Variants in WDFY1 observed in about 807,000 individuals in gnomAD.
WDFY1 encodes the protein WD repeat and FYVE domain containing 1.
A neutral mutation model predicts 56.4 loss-of-function variants in WDFY1; 32 were observed. The ratio of observed to expected loss-of-function variants is 0.57; its 90% CI spans 0.43 to 0.76. The LOEUF (loss-of-function observed/expected upper bound fraction) is 0.76. Ranked by LOEUF, WDFY1 falls within the 30% of genes least tolerant of loss-of-function variation. The pLI is 0.00. For missense variants in WDFY1, 480 were observed against 545.7 expected, an observed-to-expected ratio of 0.88 and a Z score of 1.20; for synonymous variants, 192 against 197.3, an observed-to-expected ratio of 0.97 and a Z score of 0.23.
At chr2:223,942,168 T>G (rs986920103) in intron 1 of WDFY1, among the ~76,000 whole-genome samples, 6 of 152,096 alleles carry the variant, frequency 3.9e-5, no homozygotes, top group Non-Finnish European at 5.9e-5. Context: ...ATTTAGCAAC[T>G]TACCCAAAAC....
chr2:223,885,489 G>A (rs537684904), intron 8 of WDFY1, among the ~76,000 whole-genome samples: 5 of 152,210 alleles, frequency 3.3e-5, no homozygotes, highest in South Asian at 2.1e-4. Context: ...GAGCCACTGC[G>A]CCCAGCCTTA....
intron 10 of WDFY1, among the ~76,000 whole-genome samples, chr2:223,880,639 T>C (rs1161970829): frequency 1.3e-5 from 2 of 151,060 alleles, no homozygotes; most frequent in Non-Finnish European, 2.9e-5. Flanking sequence ...TAAATGCTTA[T>C]GATAATAGTG....
chr2:223,882,017 G>A lies in WDFY1; in HGVS notation c.989C>T (p.Ser330Leu), dbSNP rs1341494555. ...AVCGKCSSKR[S>L]SYPVMGFEFQ... ...CTCGAAGCCCATGACTGGGTAACTT[G>A]AGCGCTTGCTGCTGCACTTCCCGCA... Residue 330 changes from serine to leucine, a missense_variant, in exon 10 of 12, where the codon TCA becomes TTA. Physicochemically the swap from Ser to Leu is moderately radical, Grantham distance 145. Transcript: ENST00000233055. 3.7e-6 allele frequency: 6 copies of A among 1,614,092 alleles called. No individual in the cohort carries two copies. The highest frequency in any genetic ancestry group is 5.1e-6 in the Non-Finnish European group (6 of 1,179,974).
At position 223,884,704 on chromosome 2, in the gene WDFY1, GC is replaced by G; in HGVS notation, c.876del (p.Gln292HisfsTer7). 6.2e-7 allele frequency: 1 copy of G among 1,614,074 alleles called. No homozygotes were observed. Among genetic ancestry groups the G allele is most frequent in the South Asian group, 1.1e-5 (1 of 91,076 alleles). The part of the protein sequence containing the change: ...LESDSCQKCE[Q>X]PFFWNIKQMW... ...ATCTGCTTTATGTTCCAGAAAAATG[GC>G]TGCTCACATTTCTGACAAGAATCAC... On this transcript the variant is annotated frameshift_variant, in exon 9 of 12. Transcript: ENST00000233055. LOFTEE classifies it high-confidence loss of function.
chr2:223,937,738 T>G (rs900855113), intron 1 of WDFY1, among the ~76,000 whole-genome samples: 1 of 152,172 alleles, frequency 6.6e-6, no homozygotes, highest in African/African-American at 2.4e-5. Context: ...ATGTGTGGGG[T>G]GGCCACCCAG....
chr2:223,904,516 G>T (rs1451440835), intron 4 of WDFY1, among the ~76,000 whole-genome samples: 2 of 152,172 alleles, frequency 1.3e-5, no homozygotes, highest in Non-Finnish European at 1.5e-5. Context: ...GGCTCCCAAA[G>T]TGCTGGGATT....
At chr2:223,882,793 A>G (rs556856) in intron 9 of WDFY1, among the ~76,000 whole-genome samples, 141,429 of 152,030 alleles carry the variant, frequency 0.93, 65,858 homozygotes, top group South Asian at 0.96. Flanking sequence ...GTGCAATGGC[A>G]TACAGCTCAC....
intron 2 of WDFY1, among the ~76,000 whole-genome samples, chr2:223,913,149 G>A (rs181232985): frequency 1.3e-5 from 2 of 150,584 alleles, no homozygotes; most frequent in Non-Finnish European, 2.9e-5. Flanking sequence ...GGAGGCCAAG[G>A]CAGGAGGATT....
intron 2 of WDFY1, among the ~76,000 whole-genome samples, chr2:223,916,815 CTTT>C (rs201460170): frequency 2.9e-5 from 4 of 138,554 alleles, no homozygotes; most frequent in Non-Finnish European, 3.1e-5. Flanking sequence ...CCCAGGGCTG[CTTT>C]TTTTTTTTTT....
intron 10 of WDFY1, 33 bp downstream of exon 10, chr2:223,881,909 G>A (rs1355308255): frequency 1.2e-6 from 2 of 1,610,298 alleles, no homozygotes; most frequent in East Asian, 4.5e-5. Context: ...GATGTAATAA[G>A]AGGCAATGAG....
intron 8 of WDFY1, among the ~76,000 whole-genome samples, chr2:223,885,582 C>T (rs1693159946): frequency 6.6e-6 from 1 of 152,118 alleles, no homozygotes. Flanking sequence ...GGGAGTAAAT[C>T]AGTTTTTATT....
At chr2:223,903,384 G>C (rs537431353) in intron 4 of WDFY1, among the ~76,000 whole-genome samples, 1 of 151,920 alleles carries the variant, frequency 6.6e-6, no homozygotes, top group Non-Finnish European at 1.5e-5. Flanking sequence ...TTAGCTGGCC[G>C]TGGTGGCTCG....
chr2:223,905,950 G>C lies in WDFY1; in HGVS notation c.331C>G (p.Pro111Ala), dbSNP rs1297844081. The change falls in exon 4 of 12, where the codon CCA (proline) becomes GCA (alanine). Residue 111 changes from proline (P) to alanine (A), a missense_variant. Physicochemically the swap from Pro to Ala is conservative, Grantham distance 27 (BLOSUM62 -1). Coordinates refer to ENST00000233055, the MANE Select transcript of WDFY1 (RefSeq NM_020830.5). ...FNKMNFIKTY[P>A]AHQNRVSAII... Reference sequence around the variant, plus strand: ...AGATAATGTGTATTATAATTACCTGGGTAGGTCTTGATAAAGTTCATTTTA... The same window carrying C: ...AGATAATGTGTATTATAATTACCTGCGTAGGTCTTGATAAAGTTCATTTTA... 35 of 1,572,358 alleles carry C rather than the reference G, an allele frequency of 2.2e-5. No homozygotes were observed. The highest frequency in any genetic ancestry group is 2.9e-5 in the Non-Finnish European group (34 of 1,160,718).
chr2:223,914,176 T>C (rs1467296142), intron 2 of WDFY1, among the ~76,000 whole-genome samples: 3 of 151,950 alleles, frequency 2.0e-5, no homozygotes, highest in Non-Finnish European at 4.4e-5. Context: ...CTTGTATTTT[T>C]AGTATAGACA....
intron 6 of WDFY1, among the ~76,000 whole-genome samples, chr2:223,896,201 A>G (rs1259572414): frequency 1.5e-5 from 2 of 137,796 alleles, no homozygotes; most frequent in African/African-American, 5.3e-5. Flanking sequence ...TAATACAAAG[A>G]TTTTTAAAGA....
At chr2:223,907,194 C>T (rs1007645813) in intron 3 of WDFY1, among the ~76,000 whole-genome samples, 1 of 151,918 alleles carries the variant, frequency 6.6e-6, no homozygotes, top group African/African-American at 2.4e-5. Context: ...CCAGCCTGGT[C>T]TTGAACTCAC....
At chr2:223,943,558 C>T (rs1689349979) in intron 1 of WDFY1, among the ~76,000 whole-genome samples, 1 of 152,196 alleles carries the variant, frequency 6.6e-6, no homozygotes, top group African/African-American at 2.4e-5. Context: ...AAGAGAATAG[C>T]AGTACCTTCC....
chr2:223,892,278 T>C (rs1693293162), intron 8 of WDFY1, among the ~76,000 whole-genome samples: 1 of 152,138 alleles, frequency 6.6e-6, no homozygotes, highest in African/African-American at 2.4e-5. Context: ...GCTGGCCACA[T>C]CCTATACTAT....
chr2:223,896,271 T>A (rs563498797), intron 6 of WDFY1, among the ~76,000 whole-genome samples: 1 of 149,172 alleles, frequency 6.7e-6, no homozygotes, highest in African/African-American at 2.5e-5. Flanking sequence ...ATGTTCAGAA[T>A]GAAGAAAAAA....
Sources: gnomAD v4.1 joint callset for allele counts (sites outside exome capture counted in the v4.1 genomes callset) on GRCh38, gnomAD v4.1.1 for gene constraint, MANE v1.5 for transcripts, NCBI Gene and HGNC (gene_info 2026-07-23, HGNC 2026-07-21) for gene names.